UNC45A: variants seen among roughly 807,000 people sequenced by gnomAD.
UNC45A encodes protein unc-45 homolog A.
In UNC45A, 78 loss-of-function variants were observed where a neutral mutation model predicts 103.2. The ratio of observed to expected loss-of-function variants is 0.76; its 90% CI spans 0.63 to 0.91. UNC45A has a LOEUF of 0.91. Among genes scored for constraint, UNC45A ranks in the 40% least tolerant of loss-of-function variants. UNC45A has a pLI of 0.00. For missense variants in UNC45A, 1,193 were observed against 1,224.8 expected, an observed-to-expected ratio of 0.97 and a Z score of 0.39; for synonymous variants, 495 against 504.6, an observed-to-expected ratio of 0.98 and a Z score of 0.25.
Position 90,953,135 on chromosome 15 carries a change from C to T in UNC45A, c.2422-20C>T. 6.2e-7 allele frequency: 1 copy of T among 1,612,892 alleles called. No homozygotes were observed. Among genetic ancestry groups the T allele is most frequent in the Non-Finnish European group, 8.5e-7 (1 of 1,179,308 alleles). ...CTTTACACCCAACTGACTTGGTCCA[C>T]TCCTCACATCTGGCCACAGGTGCAG... On this transcript the variant is annotated intron_variant, in intron 18 of 19. Coordinates refer to ENST00000418476, the MANE Select transcript of UNC45A (RefSeq NM_018671.5).
intron 17 of UNC45A, 41 bp downstream of exon 17, chr15:90,950,656 G>T: frequency 6.3e-7 from 1 of 1,593,726 alleles, no homozygotes. Flanking sequence ...CCAGGCATCG[G>T]GATTCGGAAT....
At position 90,949,314 on chromosome 15, in the gene UNC45A, A is replaced by G. The variant is rs1164656033; in HGVS notation, c.1879-2A>G. 1.2e-6 allele frequency: 2 copies of G among 1,611,084 alleles called. No individual in the cohort carries two copies. The highest frequency in any genetic ancestry group is 1.7e-6 in the Non-Finnish European group (2 of 1,179,876). On this transcript the variant is annotated splice_acceptor_variant, in intron 13 of 19. Coordinates refer to ENST00000418476, the MANE Select transcript of UNC45A (RefSeq NM_018671.5). LOFTEE classifies it high-confidence loss of function. ...CCTCTCCTAAGCTGCCTCCTCCCCC[A>G]GGACAAGCCAAGCTTCGTGCGGGCT...
chr15:90,935,220 C>T, upstream of UNC45A: 2 of 1,205,282 alleles, frequency 1.7e-6, no homozygotes, highest in Admixed American at 2.0e-5. Context: ...CTGACCCCAC[C>T]TCCGACGCAA....
chr15:90,950,476 T>C, intron 16 of UNC45A, 24 bp from the exon 17 acceptor site: 2 of 1,609,310 alleles, frequency 1.2e-6, no homozygotes, highest in Non-Finnish European at 1.7e-6. Flanking sequence ...CAAGTACCCC[T>C]GACAGGTGGG....
upstream of UNC45A, chr15:90,934,390 G>A: frequency 7.5e-6 from 3 of 399,054 alleles, no homozygotes; most frequent in Admixed American, 4.4e-5. Context: ...GTCCATGGCC[G>A]TCACTACCCT....
chr15:90,949,025 C>T (rs1364738536), intron 13 of UNC45A, among the ~76,000 whole-genome samples: 4 of 151,876 alleles, frequency 2.6e-5, no homozygotes, highest in Non-Finnish European at 4.4e-5. Flanking sequence ...TACAGGTGCC[C>T]GCCACCATGC....
At position 90,942,963 on chromosome 15, in the gene UNC45A, C is replaced by T; in HGVS notation, c.908C>T (p.Thr303Ile). Reference protein sequence around the residue: ...VLISNLLDLLTEVGVSGQGRD... With the variant: ...VLISNLLDLLIEVGVSGQGRD... The stretch of plus-strand genomic sequence containing the variant: ...ATCAGTAACCTCTTAGATCTGCTGA[C>T]AGAGGTGGGGGTCTCTGGCCAAGGC... The change falls in exon 8 of 20, where the codon ACA (threonine) becomes ATA (isoleucine). Residue 303 changes from threonine (T) to isoleucine (I), a missense_variant. Thr to Ile is a moderately conservative substitution (Grantham distance 89). Transcript: ENST00000418476. 2 of 1,614,090 alleles carry T rather than the reference C, an allele frequency of 1.2e-6. No homozygotes were observed. Among genetic ancestry groups the T allele is most frequent in the East Asian group, 2.2e-5 (1 of 44,882 alleles).
chr15:90,939,969 G>A (rs762625098), intron 5 of UNC45A, 146 bp downstream of exon 5: 123 of 742,786 alleles, frequency 1.7e-4, no homozygotes, highest in Non-Finnish European at 2.4e-4. Context: ...TGAGGGTCTG[G>A]GGCTTTAGCG....
At chr15:90,942,784 G>A in intron 7 of UNC45A, 128 bp from the exon 8 acceptor site, 2 of 1,489,260 alleles carry the variant, frequency 1.3e-6, no homozygotes, top group South Asian at 1.3e-5. Context: ...GACAAAGCTG[G>A]AGCTCAGTCT....
At chr15:90,935,910 T>G (rs1162437728) in intron 2 of UNC45A, 36 bp from the exon 3 acceptor site, 1 of 1,613,848 alleles carries the variant, frequency 6.2e-7, no homozygotes, top group Admixed American at 1.7e-5. Context: ...GAGAGGGAGA[T>G]GACCATTCCT....
intron 12 of UNC45A, 108 bp from the exon 13 acceptor site, chr15:90,948,546 C>T (rs2036702225): frequency 6.6e-7 from 1 of 1,518,686 alleles, no homozygotes; most frequent in Non-Finnish European, 8.9e-7. Context: ...CATCCTGTAC[C>T]CAAGGGTCCC....
chr15:90,933,779 C>T (rs1292846337), upstream of UNC45A: 8 of 351,298 alleles, frequency 2.3e-5, no homozygotes, highest in Admixed American at 1.9e-4. Flanking sequence ...CTCTCTCATC[C>T]CTCATTCTGT....
At chr15:90,948,867 CA>C in intron 13 of UNC45A, 73 bp downstream of exon 13, 4 of 921,524 alleles carry the variant, frequency 4.3e-6, no homozygotes, top group South Asian at 1.8e-5. Flanking sequence ...CACAGCAGAA[CA>C]ACCTCCCTTT....
intron 17 of UNC45A, 34 bp downstream of exon 17, chr15:90,950,649 G>A (rs367701416): frequency 4.4e-6 from 7 of 1,603,798 alleles, no homozygotes; most frequent in African/African-American, 1.3e-5. Context: ...GCCTGGACCA[G>A]GCATCGGGAT....
chr15:90,932,547 G>A (rs745690960), upstream of UNC45A: 52 of 1,254,688 alleles, frequency 4.1e-5, no homozygotes, highest in African/African-American at 7.4e-4. Context: ...CCATCGCGCG[G>A]ATGGGGCCGA....
At chr15:90,946,497 C>A in intron 9 of UNC45A, 117 bp from the exon 10 acceptor site, 1 of 1,229,012 alleles carries the variant, frequency 8.1e-7, no homozygotes, top group Non-Finnish European at 1.1e-6. Context: ...CCATTGGCAG[C>A]TTTCCTGCTG....
chr15:90,940,670 TG>T, intron 6 of UNC45A, 197 bp downstream of exon 6: 1 of 516,920 alleles, frequency 1.9e-6, no homozygotes, highest in Non-Finnish European at 3.0e-6. Context: ...CCCAGCACTT[TG>T]GGGGGCTGAG....
At chr15:90,947,920 C>A in intron 11 of UNC45A, 30 bp downstream of exon 11, 1 of 1,596,916 alleles carries the variant, frequency 6.3e-7, no homozygotes, top group South Asian at 1.1e-5. Context: ...TGTGGTTCCC[C>A]ACCTGTGGGG....
At chr15:90,935,116 G>A, upstream of UNC45A, 1 of 608,772 alleles carries the variant, frequency 1.6e-6, no homozygotes, top group Non-Finnish European at 2.9e-6. Flanking sequence ...TGCGGGGACA[G>A]CTTAGGTGCG....
Sources: gnomAD v4.1 joint callset for allele counts (sites outside exome capture counted in the v4.1 genomes callset) on GRCh38, gnomAD v4.1.1 for gene constraint, MANE v1.5 for transcripts, NCBI Gene and HGNC (gene_info 2026-07-23, HGNC 2026-07-21) for gene names.